Variants in LRRC8D observed in about 807,000 individuals in gnomAD.
LRRC8D encodes the protein volume-regulated anion channel subunit LRRC8D.
A neutral mutation model predicts 55.8 loss-of-function variants in LRRC8D; 20 were observed. That is an observed-to-expected ratio of 0.36 (90% CI 0.25 to 0.52). LRRC8D has a LOEUF of 0.52. Ranked by LOEUF, LRRC8D falls within the 20% of genes least tolerant of loss-of-function variation. LRRC8D has a pLI of 0.93. For missense variants in LRRC8D, 651 were observed against 1,030.8 expected (o/e 0.63, Z 5.05); for synonymous variants, 352 against 377.0 (o/e 0.93, Z 0.77).
intron 2 of LRRC8D, among the ~76,000 whole-genome samples, chr1:89,862,115 T>C (rs1477837284): frequency 6.6e-6 from 1 of 152,218 alleles, no homozygotes; most frequent in Non-Finnish European, 1.5e-5. Flanking sequence ...TACCGTTAGA[T>C]TGTTAAAGCT....
intron 2 of LRRC8D, chr1:89,929,754 G>A (rs1177820189): frequency 6.6e-6 from 1 of 152,172 alleles, no homozygotes; most frequent in Non-Finnish European, 1.5e-5. Flanking sequence ...TATTCATATG[G>A]AAAACCAAAT....
intron 2 of LRRC8D, among the ~76,000 whole-genome samples, chr1:89,899,009 T>C (rs1322607393): frequency 6.6e-6 from 1 of 152,218 alleles, no homozygotes; most frequent in East Asian, 1.9e-4. Context: ...GTGTTCCAGT[T>C]GGGCTTTTCA....
At chr1:89,848,256 G>A (rs1033151537) in intron 2 of LRRC8D, among the ~76,000 whole-genome samples, 1 of 152,146 alleles carries the variant, frequency 6.6e-6, no homozygotes, top group African/African-American at 2.4e-5. Flanking sequence ...TTTTTGTAGA[G>A]TCAGGACTGT....
At chr1:89,828,002 A>C (rs1355786636) in intron 1 of LRRC8D, among the ~76,000 whole-genome samples, 2 of 152,208 alleles carry the variant, frequency 1.3e-5, no homozygotes, top group East Asian at 3.8e-4. Context: ...GAATCTCTGG[A>C]TATGGAGTTT....
intron 2 of LRRC8D, among the ~76,000 whole-genome samples, chr1:89,849,607 G>C (rs931925617): frequency 1.3e-5 from 2 of 151,212 alleles, no homozygotes; most frequent in Admixed American, 1.3e-4. Context: ...GCCTTTTTCT[G>C]ATTGCTAGTG....
intron 2 of LRRC8D, among the ~76,000 whole-genome samples, chr1:89,903,385 C>T (rs1005428928): frequency 7.2e-5 from 11 of 152,134 alleles, no homozygotes; most frequent in Admixed American, 5.2e-4. Context: ...TTCTCTGTAA[C>T]GGCATCTTTT....
chr1:89,839,254 A>C (rs536655322), intron 1 of LRRC8D, among the ~76,000 whole-genome samples: 2 of 152,094 alleles, frequency 1.3e-5, no homozygotes, highest in Non-Finnish European at 2.9e-5. Context: ...AGGGCCTGTG[A>C]GGGTTTGTCC....
chr1:89,858,373 CTG>C (rs1661614863), intron 2 of LRRC8D, among the ~76,000 whole-genome samples: 2 of 152,098 alleles, frequency 1.3e-5, no homozygotes, highest in African/African-American at 4.8e-5. Context: ...TAATGTGAGG[CTG>C]TTGGTCCATC....
At chr1:89,927,270 CT>C (rs1239125405) in intron 2 of LRRC8D, among the ~76,000 whole-genome samples, 1 of 152,270 alleles carries the variant, frequency 6.6e-6, no homozygotes, top group Non-Finnish European at 1.5e-5. Context: ...CCTAGGACAG[CT>C]GTTTCTGCGG....
intron 2 of LRRC8D, among the ~76,000 whole-genome samples, chr1:89,864,146 G>C (rs1661787212): frequency 6.6e-6 from 1 of 152,160 alleles, no homozygotes; most frequent in Non-Finnish European, 1.5e-5. Context: ...AGATTGGTCT[G>C]TTCTGTTTTT....
intron 1 of LRRC8D, among the ~76,000 whole-genome samples, chr1:89,837,144 C>T (rs989472857): frequency 6.6e-6 from 1 of 152,218 alleles, no homozygotes; most frequent in Non-Finnish European, 1.5e-5. Flanking sequence ...TGTGCTGTAG[C>T]CAGGCAATCC....
chr1:89,931,335 A>G (rs1474350744), intron 2 of LRRC8D, among the ~76,000 whole-genome samples: 1 of 151,922 alleles, frequency 6.6e-6, no homozygotes, highest in East Asian at 1.9e-4. Flanking sequence ...TCAAAGTACT[A>G]ATGCCACCTT....
intron 2 of LRRC8D, among the ~76,000 whole-genome samples, chr1:89,845,410 G>A (rs1405041431): frequency 2.0e-5 from 3 of 152,112 alleles, no homozygotes; most frequent in Admixed American, 6.5e-5. Flanking sequence ...TGCCAAATAC[G>A]TCATGAAAAG....
intron 2 of LRRC8D, among the ~76,000 whole-genome samples, chr1:89,853,904 G>A (rs926021058): frequency 2.6e-5 from 4 of 152,158 alleles, no homozygotes; most frequent in Non-Finnish European, 2.9e-5. Flanking sequence ...GTGTGTACAC[G>A]TTTGCGAGGA....
chr1:89,932,169 G>GT (rs1221932567), intron 2 of LRRC8D, among the ~76,000 whole-genome samples: 1 of 152,192 alleles, frequency 6.6e-6, no homozygotes. Context: ...ACATTTTCAA[G>GT]TTTCCTGGCA....
chr1:89,898,160 G>A (rs1245338519), intron 2 of LRRC8D, among the ~76,000 whole-genome samples: 1 of 152,100 alleles, frequency 6.6e-6, no homozygotes, highest in East Asian at 1.9e-4. Context: ...GAGCCAGTAA[G>A]CAGTCATTGG....
chr1:89,846,309 T>C (rs936052414), intron 2 of LRRC8D, among the ~76,000 whole-genome samples: 1 of 141,108 alleles, frequency 7.1e-6, no homozygotes, highest in African/African-American at 2.6e-5. Context: ...GTGTATATGA[T>C]GTATTTTTTT....
chr1:89,858,338 T>C (rs183385153), intron 2 of LRRC8D, among the ~76,000 whole-genome samples: 1 of 152,286 alleles, frequency 6.6e-6, no homozygotes. Flanking sequence ...GTAGTATCTG[T>C]GGTAATAGGT....
At chr1:89,930,674 T>TA (rs753409266) in intron 2 of LRRC8D, among the ~76,000 whole-genome samples, 1 of 152,084 alleles carries the variant, frequency 6.6e-6, no homozygotes, top group Non-Finnish European at 1.5e-5. Flanking sequence ...GTATGACTGT[T>TA]ACGTTCCTTG....
Sources: allele counts gnomAD v4.1 joint callset (sites outside exome capture counted in the v4.1 genomes callset), GRCh38; gene constraint gnomAD v4.1.1; transcripts MANE v1.5; gene names NCBI Gene and HGNC (gene_info 2026-07-23, HGNC 2026-07-21).